Variants in SCN11A observed in about 807,000 individuals in gnomAD.
The protein encoded by SCN11A is sodium channel protein type 11 subunit alpha.
SCN11A carries 122 observed loss-of-function variants against 162.2 expected under a neutral mutation model. The observed-to-expected ratio is 0.75, with a 90% confidence interval of 0.65 to 0.87. SCN11A has a LOEUF of 0.87. Among genes scored for constraint, SCN11A ranks in the 40% least tolerant of loss-of-function variants. The probability of loss-of-function intolerance (pLI) is 0.00; values close to 1 mark genes in which losing one functional copy is unlikely to be tolerated. For missense variants in SCN11A, 2,015 were observed against 2,181.6 expected, an observed-to-expected ratio of 0.92 and a Z score of 1.52; for synonymous variants, 758 against 751.5, an observed-to-expected ratio of 1.01 and a Z score of -0.14.
chr3:38,902,984 A>G (rs2065728029), intron 16 of SCN11A, among the ~76,000 whole-genome samples: 1 of 152,186 alleles, frequency 6.6e-6, no homozygotes, highest in African/African-American at 2.4e-5. Context: ...GCTAAAAATG[A>G]TCATCTTTGT....
At chr3:38,969,338 C>T (rs748056667) in intron 2 of SCN11A, among the ~76,000 whole-genome samples, 21 of 152,172 alleles carry the variant, frequency 1.4e-4, no homozygotes, top group Non-Finnish European at 2.9e-4. Flanking sequence ...TTTACCCTTA[C>T]TGGGGAGGAA....
At chr3:38,934,438 T>G (rs539936550) in intron 7 of SCN11A, among the ~76,000 whole-genome samples, 25 of 152,198 alleles carry the variant, frequency 1.6e-4, no homozygotes, top group African/African-American at 5.5e-4. Flanking sequence ...GCAAATTGGA[T>G]AAAGAGTCAA....
chr3:39,014,050 G>A (rs181449333), intron 2 of SCN11A, among the ~76,000 whole-genome samples: 4 of 152,224 alleles, frequency 2.6e-5, no homozygotes, highest in East Asian at 3.9e-4. Context: ...CTTTGCCTTC[G>A]AGCAGAACCT....
At chr3:39,009,730 G>T (rs1390210023) in intron 2 of SCN11A, among the ~76,000 whole-genome samples, 1 of 150,562 alleles carries the variant, frequency 6.6e-6, no homozygotes, top group African/African-American at 2.5e-5. Flanking sequence ...AGGCTGGAGT[G>T]CAGTAGCATG....
intron 2 of SCN11A, among the ~76,000 whole-genome samples, chr3:38,980,571 A>G (rs2029993886): frequency 6.6e-6 from 1 of 152,212 alleles, no homozygotes; most frequent in Non-Finnish European, 1.5e-5. Flanking sequence ...TCATCAGAAA[A>G]GTGGGAGGAT....
intron 23 of SCN11A, among the ~76,000 whole-genome samples, chr3:38,873,211 T>G (rs1184897959): frequency 6.6e-6 from 1 of 152,178 alleles, no homozygotes; most frequent in African/African-American, 2.4e-5. Context: ...TGAGCTTGAG[T>G]TGAATCTGCT....
intron 2 of SCN11A, among the ~76,000 whole-genome samples, chr3:38,988,158 C>G (rs2030327976): frequency 6.6e-6 from 1 of 152,150 alleles, no homozygotes; most frequent in Non-Finnish European, 1.5e-5. Context: ...GCACCAGTTA[C>G]ACACACATAA....
intron 19 of SCN11A, among the ~76,000 whole-genome samples, chr3:38,887,388 T>C (rs541422971): frequency 2.9e-4 from 42 of 144,904 alleles, no homozygotes; most frequent in African/African-American, 1.1e-3. Context: ...TTGCCTATTC[T>C]GCATCTCAAA....
chr3:39,018,011 T>C (rs139049020), intron 2 of SCN11A, among the ~76,000 whole-genome samples: 35 of 152,342 alleles, frequency 2.3e-4, no homozygotes, highest in African/African-American at 8.2e-4. Flanking sequence ...TTTTGTTTCT[T>C]TGTGGTCTTA....
intron 2 of SCN11A, among the ~76,000 whole-genome samples, chr3:38,980,424 G>A (rs1344547764): frequency 6.6e-6 from 1 of 152,144 alleles, no homozygotes; most frequent in Non-Finnish European, 1.5e-5. Context: ...TTCAACAAAA[G>A]ACCCAGAACC....
Position 38,910,051 on chromosome 3 carries a change from CT to C in SCN11A, c.1101+14del, listed in dbSNP as rs528021908. 4.1e-5 allele frequency: 66 copies of C among 1,612,552 alleles called. No individual in the cohort carries two copies. In the South Asian group the frequency reaches 6.3e-4, roughly 15 times the overall value. On this transcript the variant is annotated intron_variant, in intron 12 of 29. Coordinates refer to ENST00000302328, the MANE Select transcript of SCN11A (RefSeq NM_001349253.2). ...GGGAGGGAGAGAGGAAAAAGAGAGA[CT>C]ATAAATAGATAACCTGTTGATAAAG...
Position 39,051,871 on chromosome 3 carries a change from G to C in SCN11A, c.-414C>G. ...TTTAGGTGCATCTACCTCATCACAT[G>C]GCTACCGGCCACACAGCAACTAACA... On this transcript the variant is annotated 5_prime_UTR_variant, in exon 1 of 30. Transcript: ENST00000302328. The C allele has an allele frequency of 5.9e-6, 5 of 843,856 alleles. No homozygotes were observed. The highest frequency in any genetic ancestry group is 1.7e-5 in the African/African-American group (1 of 58,404). The allele number at this position is 843,856 out of a possible 1,614,324, so 52.3% of individuals were successfully genotyped here. A position where few individuals can be genotyped will look rare whatever the true frequency, so the allele number is the denominator to read the frequency against.
At position 38,980,735 on chromosome 3, in the gene SCN11A, T is replaced by C. The variant is rs139475008; in HGVS notation, c.-279-20312A>G. Among the ~76,000 whole-genome samples, 23 of 152,334 alleles carry C rather than the reference T, an allele frequency of 1.5e-4. No individual in the cohort carries two copies. In the East Asian group the frequency reaches 4.1e-3, roughly 27 times the overall value. ...GATAAATCAGGTCAGATCCAGAATT[T>C]TGTCCCCACCTTTGATGATTCAGAA... is the stretch of plus-strand genomic sequence containing the variant. On this transcript the variant is annotated intron_variant, in intron 2 of 29. Coordinates refer to ENST00000302328, the MANE Select transcript of SCN11A (RefSeq NM_001349253.2).
chr3:38,857,012 T>C (rs1451545714), intron 28 of SCN11A, among the ~76,000 whole-genome samples: 1 of 152,056 alleles, frequency 6.6e-6, no homozygotes, highest in Non-Finnish European at 1.5e-5. Flanking sequence ...CAATTAAAAA[T>C]AAATCCAAGA....
intron 28 of SCN11A, among the ~76,000 whole-genome samples, chr3:38,852,028 G>C (rs972893495): frequency 3.3e-5 from 5 of 152,178 alleles, no homozygotes; most frequent in African/African-American, 1.2e-4. Flanking sequence ...TTGAGTTGAG[G>C]TGCCAGTGGG....
chr3:39,012,628 G>A (rs964988056), intron 2 of SCN11A, among the ~76,000 whole-genome samples: 1 of 151,812 alleles, frequency 6.6e-6, no homozygotes, highest in Non-Finnish European at 1.5e-5. Context: ...CTACAGGCAT[G>A]TGCCACCGTA....
chr3:38,866,076 T>C (rs947434412), intron 27 of SCN11A, among the ~76,000 whole-genome samples: 2 of 152,182 alleles, frequency 1.3e-5, no homozygotes, highest in African/African-American at 2.4e-5. Context: ...CACAGAATTT[T>C]AAAAATGGTC....
At chr3:38,859,655 T>C (rs1401976312) in intron 28 of SCN11A, among the ~76,000 whole-genome samples, 2 of 152,300 alleles carry the variant, frequency 1.3e-5, no homozygotes. Context: ...GAGGAAATTA[T>C]GATAGTGAAA....
At chr3:38,897,488 G>A (rs951871864) in intron 17 of SCN11A, among the ~76,000 whole-genome samples, 3 of 152,122 alleles carry the variant, frequency 2.0e-5, no homozygotes, top group East Asian at 1.9e-4. Flanking sequence ...AGGCCAAGGC[G>A]GGTGGATCAC....
Sources: allele counts gnomAD v4.1 joint callset (sites outside exome capture counted in the v4.1 genomes callset), GRCh38; gene constraint gnomAD v4.1.1; transcripts MANE v1.5; gene names NCBI Gene and HGNC (gene_info 2026-07-23, HGNC 2026-07-21).